The following MACF1 variants were observed in gnomAD, a reference collection of about 807,000 sequenced individuals.
MACF1 encodes the protein microtubule-actin cross-linking factor 1.
A neutral mutation model predicts 854.8 loss-of-function variants in MACF1; 193 were observed. The ratio of observed to expected loss-of-function variants is 0.23; its 90% CI spans 0.20 to 0.25. The LOEUF (loss-of-function observed/expected upper bound fraction) is 0.25, where lower values mean the gene tolerates loss of function less well. MACF1 is among the 10% of genes least tolerant of loss of function. The pLI, the probability that MACF1 is intolerant of heterozygous loss-of-function variation, is 1.00. For missense variants in MACF1, 7,722 were observed against 8,929.1 expected (o/e 0.86, Z 5.45); for synonymous variants, 3,185 against 3,226.7 (o/e 0.99, Z 0.44).
chr1:39,420,726 A>G (rs755184331), intron 58 of MACF1, among the ~76,000 whole-genome samples: 3 of 151,692 alleles, frequency 2.0e-5, no homozygotes, highest in Admixed American at 6.6e-5. Flanking sequence ...TTTTATATTT[A>G]TTTTTGTCCT....
At chr1:39,364,668 A>G (rs954564733) in intron 49 of MACF1, among the ~76,000 whole-genome samples, 2 of 151,506 alleles carry the variant, frequency 1.3e-5, no homozygotes, top group Non-Finnish European at 2.9e-5. Context: ...AATTTTTTGT[A>G]TTTTTAGTAG....
intron 93 of MACF1, 81 bp from the exon 94 acceptor site, chr1:39,463,531 T>C: frequency 1.1e-6 from 1 of 940,344 alleles, no homozygotes; most frequent in South Asian, 1.4e-5. Context: ...GCCTCCCTGT[T>C]AATGTATAAA....
At chr1:39,293,705 G>A in intron 18 of MACF1, 86 bp downstream of exon 18, 2 of 1,331,772 alleles carry the variant, frequency 1.5e-6, no homozygotes, top group Non-Finnish European at 2.0e-6. Flanking sequence ...AGCTTGGGTG[G>A]CTGGAGTTGC....
At chr1:39,440,137 G>T in intron 72 of MACF1, among the ~76,000 whole-genome samples, 1 of 94,670 alleles carries the variant, frequency 1.1e-5, no homozygotes, top group African/African-American at 6.9e-5. Context: ...TTTGGAGACA[G>T]GGTCTCACTG....
At chr1:39,410,964 G>A in intron 58 of MACF1, 4 of 1,614,006 alleles carry the variant, frequency 2.5e-6, no homozygotes, top group Non-Finnish European at 3.4e-6. Flanking sequence ...ATGAATTCCA[G>A]CCTGTAGAAT....
rs1376722013 is a variant in MACF1, at chr1:39,334,649, G to A, written c.8061G>A (p.Gln2687=). The A allele has an allele frequency of 8.7e-6, 14 of 1,614,056 alleles. No individual in the cohort carries two copies. Among genetic ancestry groups the A allele is most frequent in the Non-Finnish European group, 1.1e-5 (13 of 1,179,990 alleles). Residue 2687 remains glutamine (Q), a synonymous_variant, in exon 37 of 101, where the codon CAG becomes CAA. Transcript: ENST00000564288. ...CTACGCTGAAGGTTCTAGAAGCCCA[G>A]GCAAATACTGGTGGAATCATAGATA... The part of the protein sequence containing the change: ...FASTLKVLEA[Q]ANTGGIIDTA...
At chr1:39,251,984 G>A in intron 4 of MACF1, 43 bp downstream of exon 4, 1 of 1,339,396 alleles carries the variant, frequency 7.5e-7, no homozygotes, top group Non-Finnish European at 9.9e-7. Context: ...TGGCACTGCT[G>A]GCACTGCAGG....
rs527953025 is a variant in MACF1, at chr1:39,176,761, G to A, written c.221-54421G>A. ...TGAGGAACTGAGCCCACCTGGAGAA[G>A]TCAAAGGATACTTGGGCCAAGTGAT... On this transcript the variant is annotated intron_variant, in intron 2 of 93. Transcript: ENST00000361689. Among the ~76,000 whole-genome samples, 8 of 152,324 alleles carry A rather than the reference G, an allele frequency of 5.3e-5. No individual in the cohort carries two copies. The East Asian group carries it at 1.5e-3, about 29-fold the overall frequency.
At chr1:39,143,069 T>G (rs551223415) in intron 2 of MACF1, among the ~76,000 whole-genome samples, 1 of 152,280 alleles carries the variant, frequency 6.6e-6, no homozygotes, top group South Asian at 2.1e-4. Flanking sequence ...TTTTCTATCT[T>G]ACACAGGAGG....
intron 58 of MACF1, among the ~76,000 whole-genome samples, chr1:39,396,882 G>C (rs1299771460): frequency 6.6e-6 from 1 of 152,132 alleles, no homozygotes; most frequent in Admixed American, 6.5e-5. Context: ...CCCAGCTATG[G>C]GTAGAATGTG....
At chr1:39,126,363 A>G (rs1642860095) in intron 2 of MACF1, among the ~76,000 whole-genome samples, 1 of 152,202 alleles carries the variant, frequency 6.6e-6, no homozygotes, top group African/African-American at 2.4e-5. Context: ...CACTAGTTAT[A>G]TTGGGTTAGA....
At chr1:39,319,856 A>G (rs1646480149) in intron 31 of MACF1, 109 bp downstream of exon 31, 2 of 756,658 alleles carry the variant, frequency 2.6e-6, no homozygotes, top group Non-Finnish European at 4.3e-6. Context: ...TTCTTATGCT[A>G]CAAGCTGGCC....
rs116156497 is a variant in MACF1 at position 39,161,594 on chromosome 1, C to T, written c.221-69588C>T. On this transcript the variant is annotated intron_variant, in intron 2 of 93. Transcript: ENST00000361689. ...ACAAAAACTAGCCGGTGGCTGGGCA[C>T]GGTGGCTCACACCTGTAATCCTAGC... Among the ~76,000 whole-genome samples, 645 of 152,106 alleles carry T rather than the reference C, an allele frequency of 4.2e-3. 2 individuals are homozygous for T. The highest frequency in any genetic ancestry group is 8.8e-3 in the Admixed American group (135 of 15,262).
At chr1:39,135,946 G>T (rs1643156553) in intron 2 of MACF1, among the ~76,000 whole-genome samples, 4 of 152,212 alleles carry the variant, frequency 2.6e-5, no homozygotes. Context: ...TAGCTGAGGG[G>T]TGATGAGTAC....
chr1:39,478,770 A>T (rs1644959229), intron 97 of MACF1, among the ~76,000 whole-genome samples: 1 of 152,206 alleles, frequency 6.6e-6, no homozygotes, highest in South Asian at 2.1e-4. Flanking sequence ...TGACCAGTTA[A>T]ACATCTGTTA....
At chr1:39,126,873 T>C (rs1023638424) in intron 2 of MACF1, among the ~76,000 whole-genome samples, 1 of 152,136 alleles carries the variant, frequency 6.6e-6, no homozygotes, top group East Asian at 1.9e-4. Flanking sequence ...AGTGAACATA[T>C]ATGAAATTAA....
rs1218159691 is a variant in MACF1, at chr1:39,486,772, C to T, written c.*978C>T. 3 of 152,614 alleles carry T rather than the reference C, an allele frequency of 2.0e-5. No homozygotes were observed. The highest frequency in any genetic ancestry group is 4.8e-5 in the African/African-American group (2 of 41,430). The allele number at this position is 152,614 out of a possible 1,614,324, so 9.5% of individuals were successfully genotyped here. A position where few individuals can be genotyped will look rare whatever the true frequency, so the allele number is the denominator to read the frequency against. ...CTTGTTAACCAGTCCTGTTTGCTTTCGTCTTTTTTTGTGCGTAATAAAGTC... is the reference window on the plus strand; with the variant it reads ...CTTGTTAACCAGTCCTGTTTGCTTTTGTCTTTTTTTGTGCGTAATAAAGTC... On this transcript the variant is annotated 3_prime_UTR_variant, in exon 101 of 101. Transcript: ENST00000564288.
chr1:39,416,320 G>A (rs759426117), intron 58 of MACF1, among the ~76,000 whole-genome samples: 3 of 151,624 alleles, frequency 2.0e-5, no homozygotes, highest in Non-Finnish European at 4.4e-5. Context: ...AGTGAAGACA[G>A]TAGGTCAACA....
At chr1:39,406,758 A>AC (rs1553362930) in intron 58 of MACF1, among the ~76,000 whole-genome samples, 1 of 149,218 alleles carries the variant, frequency 6.7e-6, no homozygotes, top group Non-Finnish European at 1.5e-5. Context: ...AAAAAAAAAA[A>AC]CATTCTTTAT....
Sources: gnomAD v4.1 joint callset for allele counts (sites outside exome capture counted in the v4.1 genomes callset) on GRCh38, gnomAD v4.1.1 for gene constraint, MANE v1.5 for transcripts, NCBI Gene and HGNC (gene_info 2026-07-23, HGNC 2026-07-21) for gene names.